PTP4A1: variants seen among roughly 807,000 people sequenced by gnomAD.
PTP4A1 encodes the protein protein tyrosine phosphatase 4A1.
PTP4A1 carries 9 observed loss-of-function variants against 20.5 expected under a neutral mutation model. The ratio of observed to expected loss-of-function variants is 0.44; its 90% CI spans 0.26 to 0.77. The LOEUF (loss-of-function observed/expected upper bound fraction) is 0.77, where lower values mean the gene tolerates loss of function less well. PTP4A1 is among the 30% of genes least tolerant of loss of function. PTP4A1 has a pLI of 0.19. For synonymous variants in PTP4A1, 78 were observed against 67.4 expected (o/e 1.16, Z -0.77); for missense variants, 137 against 218.8 (o/e 0.63, Z 2.36).
intron 3 of PTP4A1, among the ~76,000 whole-genome samples, chr6:63,563,778 A>G (rs1228271142): frequency 1.3e-5 from 2 of 152,208 alleles, no homozygotes; most frequent in Non-Finnish European, 2.9e-5. Context: ...AAGTGAGTCC[A>G]GGAGGCCCTA....
At chr6:63,578,255 T>G (rs1777999834) in intron 2 of PTP4A1, among the ~76,000 whole-genome samples, 182 bp from the exon 3 acceptor site, 1 of 152,242 alleles carries the variant, frequency 6.6e-6, no homozygotes, top group Admixed American at 6.5e-5. Flanking sequence ...TCTTTTTATA[T>G]TCTAGCATTG....
At chr6:63,524,300 A>T (rs1188387264) in intron 1 of PTP4A1, among the ~76,000 whole-genome samples, 1 of 152,080 alleles carries the variant, frequency 6.6e-6, no homozygotes, top group Non-Finnish European at 1.5e-5. Flanking sequence ...TAGGCTTTTA[A>T]TCTAGCTTAT....
chr6:63,522,410 G>A (rs1291695387), intron 1 of PTP4A1, among the ~76,000 whole-genome samples: 1 of 152,164 alleles, frequency 6.6e-6, no homozygotes, highest in Non-Finnish European at 1.5e-5. Context: ...GTCCCTGCAG[G>A]AGATAATTTC....
In PTP4A1 at chr6:63,576,876, T is replaced by G; in HGVS notation, c.-5T>G. 1 of 1,608,556 alleles carries G rather than the reference T, an allele frequency of 6.2e-7. No homozygotes were observed. Among genetic ancestry groups the G allele is most frequent in the Non-Finnish European group, 8.5e-7 (1 of 1,178,386 alleles). ...CCCTATTGAGTGTTTTTTAACTAAATTAACATGGCTCGAATGAACCGCCCA... is the reference window on the plus strand; with the variant it reads ...CCCTATTGAGTGTTTTTTAACTAAAGTAACATGGCTCGAATGAACCGCCCA... On this transcript the variant is annotated 5_prime_UTR_variant, in exon 2 of 6. Coordinates refer to ENST00000626021, the MANE Select transcript of PTP4A1 (RefSeq NM_003463.5).
At chr6:63,572,441 C>T (rs1020377388), upstream of PTP4A1, 16 of 374,710 alleles carry the variant, frequency 4.3e-5, 1 homozygote, top group Non-Finnish European at 9.5e-6. Flanking sequence ...GGTTGCACGT[C>T]GCGCCGGCTA....
At chr6:63,575,479 A>T (rs1263844492) in intron 1 of PTP4A1, among the ~76,000 whole-genome samples, 2 of 152,176 alleles carry the variant, frequency 1.3e-5, no homozygotes, top group African/African-American at 4.8e-5. Context: ...AAAATGGTTT[A>T]GTTCTTAAGG....
intron 2 of PTP4A1, among the ~76,000 whole-genome samples, chr6:63,529,472 C>T (rs1775358405): frequency 6.6e-6 from 1 of 152,138 alleles, no homozygotes; most frequent in African/African-American, 2.4e-5. Context: ...CCTGCTCCTC[C>T]TCCTTCACCC....
At chr6:63,547,073 A>T (rs1286527585) in intron 2 of PTP4A1, among the ~76,000 whole-genome samples, 1 of 152,256 alleles carries the variant, frequency 6.6e-6, no homozygotes, top group Middle Eastern at 3.4e-3. Flanking sequence ...TTATTTGAGC[A>T]TTCTCCTTTC....
At chr6:63,518,413 A>G (rs1219017644), upstream of PTP4A1, among the ~76,000 whole-genome samples, 1 of 152,202 alleles carries the variant, frequency 6.6e-6, no homozygotes, top group South Asian at 2.1e-4. Flanking sequence ...TTAACTAAAA[A>G]ATTATCATTT....
upstream of PTP4A1, among the ~76,000 whole-genome samples, chr6:63,520,250 A>G (rs1314114441): frequency 6.6e-6 from 1 of 152,200 alleles, no homozygotes; most frequent in Non-Finnish European, 1.5e-5. Context: ...TCTTATCTTT[A>G]AATGTTGTGA....
At chr6:63,531,319 C>A (rs1044321632) in intron 2 of PTP4A1, among the ~76,000 whole-genome samples, 3 of 151,990 alleles carry the variant, frequency 2.0e-5, no homozygotes, top group South Asian at 2.1e-4. Flanking sequence ...ATTTGTGAGG[C>A]CTGTAACATT....
Position 63,580,195 on chromosome 6 carries a change from C to T in PTP4A1, c.*21C>T, listed in dbSNP as rs764372362. The T allele has an allele frequency of 3.2e-6, 5 of 1,550,104 alleles. No individual in the cohort carries two copies. Among genetic ancestry groups the T allele is most frequent in the Non-Finnish European group, 4.5e-6 (5 of 1,123,444 alleles). On this transcript the variant is annotated 3_prime_UTR_variant, in exon 6 of 6. Transcript: ENST00000626021. ...AATAAAATTGGGGTGCCTAATGCTA[C>T]TGGAAGTGGAACTTGAGATAGGGCC...
intron 2 of PTP4A1, among the ~76,000 whole-genome samples, chr6:63,531,182 A>G (rs1775443222): frequency 6.6e-6 from 1 of 152,142 alleles, no homozygotes; most frequent in African/African-American, 2.4e-5. Flanking sequence ...ACTGCAAGCA[A>G]TGAGGGCTAC....
intron 2 of PTP4A1, among the ~76,000 whole-genome samples, chr6:63,540,686 T>C (rs1385705133): frequency 2.0e-5 from 3 of 151,886 alleles, no homozygotes; most frequent in African/African-American, 4.8e-5. Flanking sequence ...TCTATCACAA[T>C]ACCATTTATG....
chr6:63,526,925 A>C (rs564800461), intron 1 of PTP4A1, among the ~76,000 whole-genome samples: 1 of 151,140 alleles, frequency 6.6e-6, no homozygotes, highest in Non-Finnish European at 1.5e-5. Context: ...ATTTATATGT[A>C]AGGGCATCCA....
intron 2 of PTP4A1, among the ~76,000 whole-genome samples, chr6:63,544,327 G>GTA (rs1372200093): frequency 6.6e-6 from 1 of 152,060 alleles, no homozygotes; most frequent in Non-Finnish European, 1.5e-5. Flanking sequence ...CTCTACCTAT[G>GTA]TATATACATT....
At chr6:63,577,118 C>A in intron 2 of PTP4A1, 133 bp downstream of exon 2, 1 of 683,686 alleles carries the variant, frequency 1.5e-6, no homozygotes, top group Non-Finnish European at 2.5e-6. Context: ...AAATAAATGT[C>A]AATGTCTTCT....
Position 63,523,889 on chromosome 6 carries a change from CATA to C in PTP4A1, c.-906+2069_-906+2071del, listed in dbSNP as rs552395520. ...TTTTTAACAGATTGCCTACTCCTAG[CATA>C]ATAATGTTTTATTGTCATTCTCAAG... On this transcript the variant is annotated intron_variant, in intron 1 of 3. Transcript: ENST00000639568. Among the ~76,000 whole-genome samples the C allele has an allele frequency of 2.3e-3, 346 of 152,130 alleles. 2 individuals carry two copies. The highest frequency in any genetic ancestry group is 0.014 in the Middle Eastern group (4 of 294).
chr6:63,572,044 G>A (rs1466933320), upstream of PTP4A1: 4 of 152,284 alleles, frequency 2.6e-5, no homozygotes, highest in Admixed American at 6.5e-5. Context: ...GTAGAAAGCA[G>A]GCTCGACACT....
Sources: allele counts gnomAD v4.1 joint callset (sites outside exome capture counted in the v4.1 genomes callset), GRCh38; gene constraint gnomAD v4.1.1; transcripts MANE v1.5; gene names NCBI Gene and HGNC (gene_info 2026-07-23, HGNC 2026-07-21).